Variants in ACSL6 observed in about 807,000 individuals in gnomAD.
ACSL6 encodes long-chain-fatty-acid--CoA ligase 6.
In ACSL6, 47 loss-of-function variants were observed where a neutral mutation model predicts 98.2. The observed-to-expected ratio is 0.48, with a 90% CI of 0.38 to 0.61. The LOEUF (loss-of-function observed/expected upper bound fraction) is 0.61. Among genes scored for constraint, ACSL6 ranks in the 20% least tolerant of loss-of-function variants. The pLI, the probability that ACSL6 is intolerant of heterozygous loss-of-function variation, is 0.00. For missense variants in ACSL6, 761 were observed against 913.4 expected, an observed-to-expected ratio of 0.83 and a Z score of 2.15; for synonymous variants, 362 against 336.9, an observed-to-expected ratio of 1.07 and a Z score of -0.82.
intron 10 of ACSL6, 132 bp from the exon 11 acceptor site, chr5:131,975,102 T>C: frequency 7.0e-7 from 1 of 1,425,784 alleles, no homozygotes; most frequent in Non-Finnish European, 9.3e-7. Context: ...ATGGGAGTGG[T>C]GAGGACAGAG....
chr5:131,959,768 T>G, intron 19 of ACSL6, 161 bp from the exon 20 acceptor site: 1 of 661,768 alleles, frequency 1.5e-6, no homozygotes, highest in Non-Finnish European at 2.7e-6. Context: ...ACACTCCAAT[T>G]ACCACCTCTC....
At chr5:131,970,554 C>T (rs1042580067) in intron 14 of ACSL6, among the ~76,000 whole-genome samples, 8 of 152,072 alleles carry the variant, frequency 5.3e-5, no homozygotes, top group Admixed American at 2.0e-4. Flanking sequence ...GGACTACAGA[C>T]ATGTGCCACC....
intron 19 of ACSL6, 126 bp from the exon 20 acceptor site, chr5:131,959,733 C>A: frequency 1.2e-6 from 1 of 829,370 alleles, no homozygotes; most frequent in Non-Finnish European, 2.0e-6. Flanking sequence ...CCACAGCCCG[C>A]AACTGAGGCT....
rs1333551979 is a variant in ACSL6 at position 131,950,320 on chromosome 5, C to G, written c.*3914G>C. The G allele has an allele frequency of 1.5e-5, 3 of 205,174 alleles. No individual in the cohort carries two copies. The highest frequency in any genetic ancestry group is 6.8e-5 in the African/African-American group (3 of 43,802). The allele number at this position is 205,174 out of a possible 1,614,324, so 12.7% of individuals were successfully genotyped here. ...TGCTCACATTTCAAATATTTATCTA[C>G]TGCCTCTGTGTTACAACCACTAATG... On this transcript the variant is annotated 3_prime_UTR_variant, in exon 21 of 21. Coordinates refer to ENST00000651883, the MANE Select transcript of ACSL6 (RefSeq NM_001009185.3).
At chr5:131,980,374 A>G (rs541245260) in intron 9 of ACSL6, among the ~76,000 whole-genome samples, 4 of 152,220 alleles carry the variant, frequency 2.6e-5, no homozygotes, top group African/African-American at 7.2e-5. Flanking sequence ...CAAGTACTCA[A>G]CACCCACTAA....
Position 131,971,622 on chromosome 5 carries a change from C to T in ACSL6, c.1362G>A (p.Arg454=), listed in dbSNP as rs777033993. 6.2e-7 allele frequency: 1 copy of T among 1,611,360 alleles called. No individual in the cohort carries two copies. Among genetic ancestry groups the T allele is most frequent in the Admixed American group, 1.7e-5 (1 of 59,892 alleles). The change falls in exon 14 of 21, where the codon CGG becomes CGA. Residue 454 remains arginine, a synonymous_variant. Transcript: ENST00000651883. ...KIQASLGGCV[R]MIVTGAAPAS... ...CTGGGGCTGCTCCAGTAACAATCATCCGCACACACCCACCAAGACTGGCCT... is the reference window on the plus strand; with the variant it reads ...CTGGGGCTGCTCCAGTAACAATCATTCGCACACACCCACCAAGACTGGCCT...
chr5:131,960,666 T>C, intron 18 of ACSL6, 45 bp from the exon 19 acceptor site: 1 of 1,479,878 alleles, frequency 6.8e-7, no homozygotes, highest in Non-Finnish European at 9.3e-7. Flanking sequence ...CAAATGCATT[T>C]AAAGTGGTTA....
At chr5:131,986,701 C>T (rs993261721) in intron 8 of ACSL6, 121 bp downstream of exon 8, 2 of 1,261,784 alleles carry the variant, frequency 1.6e-6, no homozygotes, top group South Asian at 2.5e-5. Flanking sequence ...CATTTCCTGG[C>T]TTGCACACAG....
At chr5:131,962,401 C>T in intron 18 of ACSL6, 134 bp downstream of exon 18, 1 of 1,051,204 alleles carries the variant, frequency 9.5e-7, no homozygotes, top group Non-Finnish European at 1.3e-6. Context: ...TAAGATTTCT[C>T]CTTTAAAAAG....
In ACSL6 at chr5:132,011,527, C is replaced by A; in HGVS notation, c.27G>T (p.Gly9=). 1 of 1,605,312 alleles carries A rather than the reference C, an allele frequency of 6.2e-7. No homozygotes were observed. The highest frequency in any genetic ancestry group is 8.5e-7 in the Non-Finnish European group (1 of 1,176,290). The change falls in exon 1 of 21, where the codon GGG becomes GGT. Residue 9 remains glycine, a synonymous_variant. Transcript: ENST00000651883. This position sits in a 1 kb window ranked among gnomAD's most constrained non-coding sequence, Gnocchi z 5.4. Reference sequence around the variant, plus strand: ...TACCTACGAATAGCCAGAGGGAGCCCCCCGACACGAGGAAGAAGGTCAGCA... The same window carrying A: ...TACCTACGAATAGCCAGAGGGAGCCACCCGACACGAGGAAGAAGGTCAGCA... MLTFFLVS[G]GSLWLFVEFV...
At chr5:132,004,419 C>G (rs1755269817) in intron 1 of ACSL6, among the ~76,000 whole-genome samples, 1 of 152,160 alleles carries the variant, frequency 6.6e-6, no homozygotes, top group African/African-American at 2.4e-5. Flanking sequence ...GAGAGGACAT[C>G]TAGGACAAAA....
chr5:131,972,495 C>T (rs978866308), intron 13 of ACSL6, among the ~76,000 whole-genome samples: 1 of 152,180 alleles, frequency 6.6e-6, no homozygotes, highest in Admixed American at 6.5e-5. Context: ...AAGGGACCTA[C>T]TATCCATAGT....
chr5:132,011,925 C>T, upstream of ACSL6: 1 of 1,555,606 alleles, frequency 6.4e-7, no homozygotes. This position sits in a 1 kb window ranked among gnomAD's most constrained non-coding sequence, Gnocchi z 5.4. Context: ...TGGCATTCTG[C>T]GGAAACCGGC....
At chr5:131,999,090 A>C (rs1353202847) in intron 1 of ACSL6, among the ~76,000 whole-genome samples, 1 of 152,214 alleles carries the variant, frequency 6.6e-6, no homozygotes, top group Non-Finnish European at 1.5e-5. Context: ...TCTGAAAAGA[A>C]AACTACAACC....
chr5:131,979,089 C>T (rs976746798), intron 9 of ACSL6, among the ~76,000 whole-genome samples: 2 of 152,198 alleles, frequency 1.3e-5, no homozygotes, highest in African/African-American at 4.8e-5. Flanking sequence ...TTTATCTCTG[C>T]CTATCCTTCT....
In ACSL6 at chr5:131,986,971, ACC is replaced by A. The variant is rs371384259; in HGVS notation, c.832-119_832-118del. On this transcript the variant is annotated intron_variant, in intron 7 of 20. Transcript: ENST00000651883. ...CACATACACATACACACACACACAT[ACC>A]CACACACTCACACACACACACACAC... is the stretch of plus-strand genomic sequence containing the variant. The A allele has an allele frequency of 4.8e-4, 396 of 827,480 alleles. 2 individuals are homozygous for A. In the African/African-American group the frequency reaches 5.6e-3, roughly 12 times the overall value. 51.3% of individuals were successfully genotyped at this position (827,480 alleles called of 1,614,324 possible). A position where few individuals can be genotyped will look rare whatever the true frequency, so the allele number is the denominator to read the frequency against.
At chr5:131,959,843 AT>A (rs1033955576) in intron 19 of ACSL6, 239 of 531,382 alleles carry the variant, frequency 4.5e-4, no homozygotes, top group Non-Finnish European at 5.2e-4. Flanking sequence ...GGACCACTCA[AT>A]TTTTTTTTAA....
chr5:131,982,333 CG>C (rs1251408930), intron 9 of ACSL6: 2 of 150,810 alleles, frequency 1.3e-5, no homozygotes, highest in African/African-American at 4.9e-5. Flanking sequence ...TTAGTAGAGA[CG>C]GGGTTTCACC....
rs565302474 is a variant in ACSL6, at chr5:131,974,891, A to T, written c.1068+2T>A. 6.2e-7 allele frequency: 1 copy of T among 1,614,192 alleles called. No individual in the cohort carries two copies. Among genetic ancestry groups the T allele is most frequent in the South Asian group, 1.1e-5 (1 of 91,070 alleles). ...GCCCGGTCAGTCAGGTGGGTGTCTT[A>T]CCTGGATTACTCTCTCAAACATGTG... On this transcript the variant is annotated splice_donor_variant, in intron 11 of 20. Coordinates refer to ENST00000651883, the MANE Select transcript of ACSL6 (RefSeq NM_001009185.3). LOFTEE classifies it high-confidence loss of function.
Sources: allele counts gnomAD v4.1 joint callset (sites outside exome capture counted in the v4.1 genomes callset), GRCh38; gene constraint gnomAD v4.1.1; non-coding constraint Gnocchi (gnomAD v3.1); transcripts MANE v1.5; gene names NCBI Gene and HGNC (gene_info 2026-07-23, HGNC 2026-07-21).